The following HS3ST1 variants were observed in gnomAD, a reference collection of about 807,000 sequenced individuals.
The protein encoded by HS3ST1 is heparan sulfate-glucosamine 3-sulfotransferase 1.
HS3ST1 carries 8 observed loss-of-function variants against 20.7 expected under a neutral mutation model. The ratio of observed to expected loss-of-function variants is 0.39; its 90% CI spans 0.23 to 0.70. The LOEUF (loss-of-function observed/expected upper bound fraction) is 0.70. Among genes scored for constraint, HS3ST1 ranks in the 30% least tolerant of loss-of-function variants. The pLI is 0.46. For synonymous variants in HS3ST1, 205 were observed against 190.4 expected (o/e 1.08, Z -0.63); for missense variants, 436 against 423.4 (o/e 1.03, Z -0.26).
intron 1 of HS3ST1, among the ~76,000 whole-genome samples, chr4:11,407,411 C>T (rs1396373479): frequency 1.3e-5 from 2 of 152,082 alleles, no homozygotes; most frequent in Admixed American, 6.6e-5. Context: ...TATTTACAAA[C>T]GTTTAACTGG....
Position 11,399,404 on chromosome 4 carries a change from T to A in HS3ST1, c.602A>T (p.Gln201Leu). 5.0e-6 allele frequency: 8 copies of A among 1,614,018 alleles called. No individual in the cohort carries two copies. Among genetic ancestry groups the A allele is most frequent in the Non-Finnish European group, 6.8e-6 (8 of 1,179,976 alleles). ...LNRSLYHVHM[Q>L]NWLRFFPLRH... ...CAGCGGGAAAAAGCGCAGCCAGTTC[T>A]GCATGTGCACGTGGTAGAGGCTGCG... Residue 201 changes from glutamine (Q) to leucine (L), a missense_variant, in exon 2 of 2, where the codon CAG (glutamine) becomes CTG (leucine). Gln to Leu is a moderately radical substitution (Grantham distance 113). Transcript: ENST00000002596. The surrounding 1 kb of genome is among the most constrained non-coding windows in gnomAD (Gnocchi z 5.1).
rs368609954 is a variant in HS3ST1, at chr4:11,394,039, C to T, written c.*5043G>A. 2.0e-4 allele frequency: 30 copies of T among 152,310 alleles called. No homozygotes were observed. The East Asian group carries it at 2.1e-3, about 11-fold the overall frequency. The allele number at this position is 152,310 out of a possible 1,614,324, so 9.4% of individuals were successfully genotyped here. A position where few individuals can be genotyped will look rare whatever the true frequency, so the allele number is the denominator to read the frequency against. On this transcript the variant is annotated 3_prime_UTR_variant, in exon 2 of 2. Transcript: ENST00000002596. ...AGGAAAAAAGGCAGCGCATTTCTGCCGACTGGTTCAAAACCAGTTTTGGTC... is the reference window on the plus strand; with the variant it reads ...AGGAAAAAAGGCAGCGCATTTCTGCTGACTGGTTCAAAACCAGTTTTGGTC...
chr4:11,421,586 TAAAG>T (rs1282119343), intron 1 of HS3ST1, among the ~76,000 whole-genome samples: 2 of 152,156 alleles, frequency 1.3e-5, no homozygotes, highest in African/African-American at 4.8e-5. Flanking sequence ...CCTCCTAAAC[TAAAG>T]AGTGAAGACA....
At chr4:11,426,937 C>A (rs1719075582) in intron 1 of HS3ST1, among the ~76,000 whole-genome samples, 1 of 152,176 alleles carries the variant, frequency 6.6e-6, no homozygotes, top group Non-Finnish European at 1.5e-5. Flanking sequence ...TGCAGCGGAG[C>A]GCGCGTCTCC....
chr4:11,421,768 ACTCAGTT>A (rs1012232736), intron 1 of HS3ST1, among the ~76,000 whole-genome samples: 1 of 152,200 alleles, frequency 6.6e-6, no homozygotes, highest in African/African-American at 2.4e-5. Flanking sequence ...AATGTGGACT[ACTCAGTT>A]CTCCAGGGAT....
At chr4:11,423,966 A>T (rs990158624) in intron 1 of HS3ST1, among the ~76,000 whole-genome samples, 8 of 151,568 alleles carry the variant, frequency 5.3e-5, no homozygotes, top group African/African-American at 1.9e-4. Flanking sequence ...TTATTTAGGA[A>T]TATCGAATTA....
chr4:11,412,230 C>T (rs1037082530), intron 1 of HS3ST1, among the ~76,000 whole-genome samples: 4 of 152,166 alleles, frequency 2.6e-5, no homozygotes, highest in African/African-American at 7.2e-5. Context: ...GGGGTCTAGT[C>T]CCTGGTTCTG....
At chr4:11,416,951 C>T (rs1340011335) in intron 1 of HS3ST1, among the ~76,000 whole-genome samples, 1 of 152,198 alleles carries the variant, frequency 6.6e-6, no homozygotes, top group Non-Finnish European at 1.5e-5. Context: ...TACAAAAGTT[C>T]TACGCAGAGG....
rs1718274374 is a variant in HS3ST1, at chr4:11,399,896, A to T, written c.110T>A (p.Leu37His). The T allele has an allele frequency of 6.2e-7, 1 of 1,609,962 alleles. No homozygotes were observed. Among genetic ancestry groups the T allele is most frequent in the Admixed American group, 1.7e-5 (1 of 59,834 alleles). ...QQELLRKAGTLQDDVRDGVAP... is the reference protein window; with the variant it reads ...QQELLRKAGTHQDDVRDGVAP... ...CACGCCATCGCGGACGTCATCCTGG[A>T]GGGTCCCCGCTTTCCGCAGAAGCTC... The change falls in exon 2 of 2, where the codon CTC (leucine) becomes CAC (histidine). Residue 37 changes from leucine to histidine, a missense_variant. Coordinates refer to ENST00000002596, the MANE Select transcript of HS3ST1 (RefSeq NM_005114.4). The surrounding 1 kb of genome is among the most constrained non-coding windows in gnomAD (Gnocchi z 5.1).
In HS3ST1 at chr4:11,396,912, C is replaced by T. The variant is rs1416802718; in HGVS notation, c.*2170G>A. ...CATGTGCTGGTCCTGTCTTCCTCCA[C>T]TCCTCCCCGCTGCCTCTTGCATCCA... On this transcript the variant is annotated 3_prime_UTR_variant, in exon 2 of 2. Transcript: ENST00000002596. The T allele has an allele frequency of 1.3e-5, 2 of 152,384 alleles. No homozygotes were observed. The highest frequency in any genetic ancestry group is 2.4e-5 in the African/African-American group (1 of 41,470). 9.4% of individuals were successfully genotyped at this position (152,384 alleles called of 1,614,324 possible).
Position 11,428,832 on chromosome 4 carries a change from G to A in HS3ST1, c.-242C>T, listed in dbSNP as rs1490868188. The A allele has an allele frequency of 6.5e-6, 1 of 152,998 alleles. No individual in the cohort carries two copies. Among genetic ancestry groups the A allele is most frequent in the African/African-American group, 2.4e-5 (1 of 41,468 alleles). 9.5% of individuals were successfully genotyped at this position (152,998 alleles called of 1,614,324 possible). A position where few individuals can be genotyped will look rare whatever the true frequency, so the allele number is the denominator to read the frequency against. Reference sequence around the variant, plus strand: ...GCCCGGGGCAGGCGGGCGGGGAGAAGGCGCAGGCACCCACTGAGACCCGGC... The same window carrying A: ...GCCCGGGGCAGGCGGGCGGGGAGAAAGCGCAGGCACCCACTGAGACCCGGC... On this transcript the variant is annotated 5_prime_UTR_variant, in exon 1 of 2. Coordinates refer to ENST00000002596, the MANE Select transcript of HS3ST1 (RefSeq NM_005114.4).
At chr4:11,411,492 C>T (rs1374498456) in intron 1 of HS3ST1, among the ~76,000 whole-genome samples, 1 of 152,178 alleles carries the variant, frequency 6.6e-6, no homozygotes, top group Non-Finnish European at 1.5e-5. Context: ...TTGCCTCTAA[C>T]TCAAGCTTTA....
At chr4:11,400,816 G>A (rs879724363) in intron 1 of HS3ST1, among the ~76,000 whole-genome samples, 1 of 152,226 alleles carries the variant, frequency 6.6e-6, no homozygotes, top group Admixed American at 6.5e-5. Context: ...ATGAGCAGAT[G>A]TGACAACGTA....
At position 11,399,602 on chromosome 4, in the gene HS3ST1, C is replaced by T. The variant is rs370992760; in HGVS notation, c.404G>A (p.Ser135Asn). 1 of 1,613,784 alleles carries T rather than the reference C, an allele frequency of 6.2e-7. No homozygotes were observed. Among genetic ancestry groups the T allele is most frequent in the African/African-American group, 1.3e-5 (1 of 74,930 alleles). Residue 135 changes from serine (S) to asparagine (N), a missense_variant, in exon 2 of 2, where the codon AGC becomes AAC. Coordinates refer to ENST00000002596, the MANE Select transcript of HS3ST1 (RefSeq NM_005114.4). This position sits in a 1 kb window ranked among gnomAD's most constrained non-coding sequence, Gnocchi z 5.1. ...TSPKVPERVY[S>N]MNPSIRLLLI... The stretch of plus-strand genomic sequence containing the variant: ...CAGCAGCCGGATGGACGGGTTCATG[C>T]TGTAGACTCGCTCAGGCACTTTGGG...
chr4:11,403,722 G>A (rs1718389378), intron 1 of HS3ST1, among the ~76,000 whole-genome samples: 1 of 152,212 alleles, frequency 6.6e-6, no homozygotes, highest in Admixed American at 6.5e-5. Context: ...GGTATGTGTA[G>A]TACAGGGTCA....
At position 11,399,805 on chromosome 4, in the gene HS3ST1, C is replaced by T. The variant is rs148222581; in HGVS notation, c.201G>A (p.Thr67=). The change falls in exon 2 of 2, where the codon ACG becomes ACA. Residue 67 remains threonine (T), a synonymous_variant. Coordinates refer to ENST00000002596, the MANE Select transcript of HS3ST1 (RefSeq NM_005114.4). This position sits in a 1 kb window ranked among gnomAD's most constrained non-coding sequence, Gnocchi z 5.1. ...GGCTGAGCATCTCCAGCAGTGCGCG[C>T]GTGCCGCCCTTGCGCACGCCGATGA... The part of the protein sequence containing the change: ...TIIIGVRKGG[T]RALLEMLSLH... 9.3e-6 allele frequency: 15 copies of T among 1,613,022 alleles called. No homozygotes were observed. The highest frequency in any genetic ancestry group is 4.0e-5 in the African/African-American group (3 of 74,946).
intron 1 of HS3ST1, among the ~76,000 whole-genome samples, chr4:11,411,714 T>C (rs1206911742): frequency 2.0e-5 from 3 of 152,240 alleles, no homozygotes; most frequent in Non-Finnish European, 4.4e-5. Context: ...ATCTGTTCTT[T>C]CTGAATGTTG....
intron 1 of HS3ST1, among the ~76,000 whole-genome samples, chr4:11,405,208 C>T (rs1718432532): frequency 1.1e-4 from 17 of 152,194 alleles, no homozygotes; most frequent in Admixed American, 1.1e-3. Flanking sequence ...CAAAGGGAGA[C>T]CCAGCTACCC....
At chr4:11,411,322 A>G (rs1485969131) in intron 1 of HS3ST1, among the ~76,000 whole-genome samples, 1 of 152,220 alleles carries the variant, frequency 6.6e-6, no homozygotes. Context: ...ATAGCACTAA[A>G]TAAAGCAATA....
Sources: gnomAD v4.1 joint callset for allele counts (sites outside exome capture counted in the v4.1 genomes callset) on GRCh38, gnomAD v4.1.1 for gene constraint, Gnocchi (gnomAD v3.1) non-coding constraint, MANE v1.5 for transcripts, NCBI Gene and HGNC (gene_info 2026-07-23, HGNC 2026-07-21) for gene names.